Variants in GABRG1 observed in about 807,000 individuals in gnomAD.
GABRG1 encodes gamma-aminobutyric acid receptor subunit gamma-1.
Under a neutral mutation model 49.8 loss-of-function variants are expected in GABRG1, and 49 were observed. The observed-to-expected ratio is 0.98, with a 90% CI of 0.78 to 1.25. GABRG1 has a LOEUF of 1.25. Ranked by LOEUF, GABRG1 falls within the 50% of genes most tolerant of loss-of-function variation. The probability of loss-of-function intolerance (pLI) is 0.00; values close to 1 mark genes in which losing one functional copy is unlikely to be tolerated. For synonymous variants in GABRG1, 232 were observed against 185.1 expected, an observed-to-expected ratio of 1.25 and a Z score of -2.06; for missense variants, 552 against 552.3, an observed-to-expected ratio of 1.00 and a Z score of 0.01.
At chr4:46,107,159 C>T (rs532439775) in intron 1 of GABRG1, among the ~76,000 whole-genome samples, 2 of 151,336 alleles carry the variant, frequency 1.3e-5, no homozygotes, top group African/African-American at 2.4e-5. Context: ...TTTATTCATT[C>T]ATTCCATTTT....
chr4:46,076,812 T>A (rs1490714268), intron 3 of GABRG1, among the ~76,000 whole-genome samples: 1 of 151,712 alleles, frequency 6.6e-6, no homozygotes, highest in Non-Finnish European at 1.5e-5. Flanking sequence ...TTCAAAAAAT[T>A]CAAAAAATTT....
chr4:46,107,518 C>A (rs147160665), intron 1 of GABRG1, among the ~76,000 whole-genome samples: 11 of 150,770 alleles, frequency 7.3e-5, no homozygotes, highest in African/African-American at 2.7e-4. Context: ...TCCCTGTCAC[C>A]ATTCCTCCCA....
chr4:46,108,886 AAG>A (rs1720638697), intron 1 of GABRG1, among the ~76,000 whole-genome samples: 1 of 151,068 alleles, frequency 6.6e-6, no homozygotes, highest in Admixed American at 6.6e-5. Context: ...TTATTTTAAA[AAG>A]TCTCCTTTGG....
chr4:46,105,221 C>A (rs7685691), intron 1 of GABRG1, among the ~76,000 whole-genome samples: 75,827 of 151,044 alleles, frequency 0.5, 19,338 homozygotes, highest in African/African-American at 0.54. Flanking sequence ...ACAAGATCAA[C>A]AAACAGATGC....
At chr4:46,083,132 T>G (rs956214141) in intron 3 of GABRG1, among the ~76,000 whole-genome samples, 1 of 151,816 alleles carries the variant, frequency 6.6e-6, no homozygotes, top group South Asian at 2.1e-4. Flanking sequence ...CTTCAAAGTC[T>G]CTTCATTTCA....
chr4:46,119,392 G>T (rs1202517854), intron 1 of GABRG1, among the ~76,000 whole-genome samples: 1 of 151,476 alleles, frequency 6.6e-6, no homozygotes, highest in African/African-American at 2.4e-5. Flanking sequence ...GCAGGCAGGG[G>T]TATAGAACAC....
chr4:46,104,811 G>A (rs906939422), intron 1 of GABRG1, among the ~76,000 whole-genome samples: 2 of 151,274 alleles, frequency 1.3e-5, no homozygotes, highest in African/African-American at 4.8e-5. Context: ...GACTAAAGCA[G>A]CCCCCAGAAG....
chr4:46,057,419 G>C (rs540297457), intron 7 of GABRG1, among the ~76,000 whole-genome samples: 2 of 152,172 alleles, frequency 1.3e-5, no homozygotes, highest in Admixed American at 1.3e-4. Context: ...ATTATGAGCA[G>C]TGTGATTCAT....
chr4:46,077,087 A>G (rs1382123817), intron 3 of GABRG1, among the ~76,000 whole-genome samples: 2 of 147,248 alleles, frequency 1.4e-5, no homozygotes, highest in African/African-American at 5.0e-5. Context: ...TAAATGTTGC[A>G]TATTATTTAC....
chr4:46,091,177 A>AC (rs1719977113), intron 2 of GABRG1, among the ~76,000 whole-genome samples: 1 of 152,022 alleles, frequency 6.6e-6, no homozygotes, highest in South Asian at 2.1e-4. Context: ...CCTGGTACAA[A>AC]CCTCAGGCTG....
chr4:46,041,762 G>A (rs552683482), intron 8 of GABRG1, among the ~76,000 whole-genome samples: 4 of 152,182 alleles, frequency 2.6e-5, no homozygotes, highest in Non-Finnish European at 5.9e-5. Flanking sequence ...ATTTGGGAAA[G>A]AGGATGTGTA....
At chr4:46,120,528 C>T (rs531894917) in intron 1 of GABRG1, among the ~76,000 whole-genome samples, 26 of 151,658 alleles carry the variant, frequency 1.7e-4, no homozygotes, top group Admixed American at 6.6e-4. Context: ...AAATCATTTT[C>T]CTCTCAGTCT....
intron 3 of GABRG1, among the ~76,000 whole-genome samples, chr4:46,066,629 T>A (rs1718930167): frequency 6.6e-6 from 1 of 152,056 alleles, no homozygotes. Context: ...GTCTGATGGG[T>A]TCCAAGGTTA....
intron 1 of GABRG1, among the ~76,000 whole-genome samples, chr4:46,101,885 A>G (rs1560371092): frequency 6.6e-6 from 1 of 151,708 alleles, no homozygotes; most frequent in Non-Finnish European, 1.5e-5. Context: ...TCATCTATGT[A>G]TAAAGTAGCT....
chr4:46,109,713 C>T (rs1720661444), intron 1 of GABRG1, among the ~76,000 whole-genome samples: 1 of 151,100 alleles, frequency 6.6e-6, no homozygotes, highest in African/African-American at 2.4e-5. Context: ...TATATTGTGT[C>T]TCTGTCTTCA....
At chr4:46,082,592 C>G (rs1356660883) in intron 3 of GABRG1, among the ~76,000 whole-genome samples, 1 of 151,776 alleles carries the variant, frequency 6.6e-6, no homozygotes, top group East Asian at 1.9e-4. Context: ...CCTGCCTTCA[C>G]CATTCCAACT....
rs1422007583 is a variant in GABRG1, at chr4:46,039,317, G to A, written c.*1671C>T. On this transcript the variant is annotated 3_prime_UTR_variant, in exon 9 of 9. Transcript: ENST00000295452. ...TGCTTATTTTTTTCCAGAAGTTTAT[G>A]AGCAAGTGAAAAAAAAAATAGAGTT... 34 of 149,552 alleles carry A rather than the reference G, an allele frequency of 2.3e-4. No individual in the cohort carries two copies. Among genetic ancestry groups the A allele is most frequent in the African/African-American group, 6.9e-4 (28 of 40,828 alleles). The allele number at this position is 149,552 out of a possible 1,614,324, so 9.3% of individuals were successfully genotyped here.
intron 1 of GABRG1, among the ~76,000 whole-genome samples, chr4:46,119,382 G>T (rs1002262891): frequency 1.3e-5 from 2 of 151,416 alleles, no homozygotes; most frequent in Non-Finnish European, 3.0e-5. Context: ...AGTTAAAAAT[G>T]CAGGCAGGGG....
intron 8 of GABRG1, among the ~76,000 whole-genome samples, chr4:46,045,102 A>G (rs1303554877): frequency 1.3e-5 from 2 of 152,086 alleles, no homozygotes; most frequent in Non-Finnish European, 2.9e-5. Context: ...AGGTAAGTGA[A>G]CAATACAAAG....
Sources: gnomAD v4.1 joint callset for allele counts (sites outside exome capture counted in the v4.1 genomes callset) on GRCh38, gnomAD v4.1.1 for gene constraint, MANE v1.5 for transcripts, NCBI Gene and HGNC (gene_info 2026-07-23, HGNC 2026-07-21) for gene names.